ANKRD35: variants seen among roughly 807,000 people sequenced by gnomAD.
ANKRD35 encodes ankyrin repeat domain 35.
In ANKRD35, 102 loss-of-function variants were observed where a neutral mutation model predicts 109.9. That is an observed-to-expected ratio of 0.93 (90% CI 0.79 to 1.09). The LOEUF is 1.09. Among genes scored for constraint, ANKRD35 ranks in the 50% least tolerant of loss-of-function variants. The pLI is 0.00. For missense variants in ANKRD35, 1,240 were observed against 1,230.1 expected, an observed-to-expected ratio of 1.01 and a Z score of -0.12; for synonymous variants, 515 against 512.4, an observed-to-expected ratio of 1.01 and a Z score of -0.07.
At chr1:145,876,273 T>A in intron 6 of ANKRD35, 27 bp from the exon 7 acceptor site, 1 of 1,598,670 alleles carries the variant, frequency 6.3e-7, no homozygotes, top group Non-Finnish European at 8.6e-7. Flanking sequence ...AAGAGGTTCA[T>A]GAGCAGCCAG....
intron 12 of ANKRD35, among the ~76,000 whole-genome samples, 176 bp downstream of exon 12, chr1:145,867,815 T>C (rs1199263186): frequency 2.0e-5 from 3 of 152,150 alleles, no homozygotes; most frequent in African/African-American, 4.8e-5. Flanking sequence ...CCTTCTCACA[T>C]TCATGCACAA....
intron 10 of ANKRD35, among the ~76,000 whole-genome samples, chr1:145,871,521 C>T (rs1553738650): frequency 6.6e-6 from 1 of 152,110 alleles, no homozygotes; most frequent in East Asian, 1.9e-4. Context: ...TTTTGTAGAA[C>T]CCACCCTGAA....
rs781833315 is a variant in ANKRD35 at position 145,868,374 on chromosome 1, C to T, written c.2814G>A (p.Glu938=). 1 of 1,614,216 alleles carries T rather than the reference C, an allele frequency of 6.2e-7. No homozygotes were observed. Among genetic ancestry groups the T allele is most frequent in the Non-Finnish European group, 8.5e-7 (1 of 1,180,032 alleles). The change falls in exon 11 of 14, where the codon GAG becomes GAA. Residue 938 remains glutamate, a synonymous_variant. Coordinates refer to ENST00000355594, the MANE Select transcript of ANKRD35 (RefSeq NM_144698.5). ...TTGCTAGAACCTCTTCTGAAAGCTGCTCCAGCTTCTTCAACAACTCCTTGA... is the reference window on the plus strand; with the variant it reads ...TTGCTAGAACCTCTTCTGAAAGCTGTTCCAGCTTCTTCAACAACTCCTTGA... ...AKIKELLKKL[E]QLSEEVLAIR...
At position 145,872,363 on chromosome 1, in the gene ANKRD35, C is replaced by T. The variant is rs1233697026; in HGVS notation, c.2406G>A (p.Gly802=). ...TCAGCTTTCCGATCTCCTGGCTCTT[C>T]CCGCTCATCGTGGCCTGAACTGCCC... ...ELRAVQATMS[G]KSQEIGKLKQ... Residue 802 remains glycine, a synonymous_variant, in exon 10 of 14, where the codon GGG becomes GGA. Coordinates refer to ENST00000355594, the MANE Select transcript of ANKRD35 (RefSeq NM_144698.5). 6.2e-7 allele frequency: 1 copy of T among 1,612,698 alleles called. No homozygotes were observed. The highest frequency in any genetic ancestry group is 8.5e-7 in the Non-Finnish European group (1 of 1,179,392).
chr1:145,885,556 A>G (rs1654445822), intron 1 of ANKRD35, among the ~76,000 whole-genome samples, 164 bp downstream of exon 1: 1 of 152,142 alleles, frequency 6.6e-6, no homozygotes, highest in Non-Finnish European at 1.5e-5. Flanking sequence ...GCTGCAGGGC[A>G]GGGTCTTGAG....
chr1:145,876,496 TG>T, intron 6 of ANKRD35, 72 bp downstream of exon 6: 1 of 1,568,632 alleles, frequency 6.4e-7, no homozygotes, highest in South Asian at 1.1e-5. Context: ...TCGTGGAAGT[TG>T]GCCAGTCAAG....
chr1:145,885,813 T>C lies in ANKRD35; in HGVS notation c.-55A>G. On this transcript the variant is annotated 5_prime_UTR_variant, in exon 1 of 14. Coordinates refer to ENST00000355594, the MANE Select transcript of ANKRD35 (RefSeq NM_144698.5). ...ACGCGCAGAGAGCCGGGCCACAGGT[T>C]CCCGAACCCACCGGACTTGGCTGCG... is the stretch of plus-strand genomic sequence containing the variant. 7.2e-7 allele frequency: 1 copy of C among 1,389,532 alleles called. No individual in the cohort carries two copies. Among genetic ancestry groups the C allele is most frequent in the African/African-American group, 1.4e-5 (1 of 70,516 alleles). The allele number at this position is 1,389,532 out of a possible 1,614,324, so 86.1% of individuals were successfully genotyped here.
chr1:145,869,116 TA>T (rs1384619117), intron 10 of ANKRD35, among the ~76,000 whole-genome samples: 26 of 149,420 alleles, frequency 1.7e-4, no homozygotes, highest in Non-Finnish European at 3.0e-4. Flanking sequence ...TAAAAAAATT[TA>T]AAAAAAAAAC....
chr1:145,876,198 T>G lies in ANKRD35; in HGVS notation c.502A>C (p.Ile168Leu). 6.2e-7 allele frequency: 1 copy of G among 1,614,110 alleles called. No individual in the cohort carries two copies. The highest frequency in any genetic ancestry group is 2.2e-5 in the East Asian group (1 of 44,882). ...MIASLGGHAAICSQLLQRGAR... is the reference protein window; with the variant it reads ...MIASLGGHAALCSQLLQRGAR... Reference sequence around the variant, plus strand: ...CCTCGCTGCAGCAGCTGTGAGCAGATAGCTGCGTGCCCACCCAGCGATGCG... The same window carrying G: ...CCTCGCTGCAGCAGCTGTGAGCAGAGAGCTGCGTGCCCACCCAGCGATGCG... The change falls in exon 7 of 14, where the codon ATC becomes CTC. Residue 168 changes from isoleucine to leucine, a missense_variant. By Grantham distance (5) the Ile-to-Leu change is conservative (BLOSUM62 2). Coordinates refer to ENST00000355594, the MANE Select transcript of ANKRD35 (RefSeq NM_144698.5).
intron 5 of ANKRD35, 26 bp downstream of exon 5, chr1:145,876,790 T>C: frequency 2.5e-6 from 4 of 1,614,014 alleles, no homozygotes; most frequent in Non-Finnish European, 3.4e-6. Flanking sequence ...TCTGCAGCCC[T>C]GTTCCCATGA....
chr1:145,873,629 C>G lies in ANKRD35; in HGVS notation c.1140G>C (p.Glu380Asp). ...EQGCPKDLLAESTQELKKQQQ... is the reference protein window; with the variant it reads ...EQGCPKDLLADSTQELKKQQQ... Reference sequence around the variant, plus strand: ...GCTGCTTCTTTAGCTCTTGTGTACTCTCAGCCAGCAGGTCCTTAGGACAAC... The same window carrying G: ...GCTGCTTCTTTAGCTCTTGTGTACTGTCAGCCAGCAGGTCCTTAGGACAAC... Residue 380 changes from glutamate (E) to aspartate (D), a missense_variant, in exon 10 of 14, where the codon GAG becomes GAC. Glu to Asp is a conservative substitution (Grantham distance 45). Transcript: ENST00000355594. The G allele has an allele frequency of 6.2e-7, 1 of 1,614,076 alleles. No individual in the cohort carries two copies. Among genetic ancestry groups the G allele is most frequent in the Non-Finnish European group, 8.5e-7 (1 of 1,180,014 alleles).
At chr1:145,869,124 A>G (rs1435775947) in intron 10 of ANKRD35, among the ~76,000 whole-genome samples, 2 of 152,222 alleles carry the variant, frequency 1.3e-5, no homozygotes, top group Admixed American at 1.3e-4. Flanking sequence ...TTTAAAAAAA[A>G]AACAGCTTTT....
chr1:145,871,156 T>TC (rs1653801735), intron 10 of ANKRD35, among the ~76,000 whole-genome samples: 1 of 77,482 alleles, frequency 1.3e-5, no homozygotes, highest in Non-Finnish European at 2.6e-5. Context: ...CTTTTTTCTT[T>TC]TTTTTTTTTT....
rs782046704 is a variant in ANKRD35, at chr1:145,873,872, C to T, written c.897G>A (p.Arg299=). 64 of 1,613,930 alleles carry T rather than the reference C, an allele frequency of 4.0e-5. No homozygotes were observed. Among genetic ancestry groups the T allele is most frequent in the Non-Finnish European group, 5.2e-5 (61 of 1,179,988 alleles). Reference sequence around the variant, plus strand: ...TCCTCCGCTCCTCTTCATACTTCCACCTCCACTCCTCCGAGCACGGGTCTT... The same window carrying T: ...TCCTCCGCTCCTCTTCATACTTCCATCTCCACTCCTCCGAGCACGGGTCTT... ...EDEDPCSEEW[R]WKYEEERRKV... Residue 299 remains arginine (R), a synonymous_variant, in exon 10 of 14, where the codon AGG becomes AGA. Coordinates refer to ENST00000355594, the MANE Select transcript of ANKRD35 (RefSeq NM_144698.5).
intron 1 of ANKRD35, among the ~76,000 whole-genome samples, chr1:145,880,416 C>T (rs1553740909): frequency 6.6e-6 from 1 of 152,160 alleles, no homozygotes; most frequent in African/African-American, 2.4e-5. Flanking sequence ...GCTACATTCT[C>T]GGCTATGTGA....
chr1:145,872,822 G>C lies in ANKRD35; in HGVS notation c.1947C>G (p.Ser649Arg), dbSNP rs1553739113. The change falls in exon 10 of 14, where the codon AGC (serine) becomes AGG (arginine). Residue 649 changes from serine to arginine, a missense_variant. By Grantham distance (110) the Ser-to-Arg change is moderately radical (BLOSUM62 -1). Coordinates refer to ENST00000355594, the MANE Select transcript of ANKRD35 (RefSeq NM_144698.5). ...QRLQRELQSLSQRLQREFVPK... is the reference protein window; with the variant it reads ...QRLQRELQSLRQRLQREFVPK... ...GCACAAACTCCCGCTGCAGCCGCTG[G>C]CTCAGGGACTGTAGCTCCCTCTGCA... is the stretch of plus-strand genomic sequence containing the variant. 1 of 1,614,018 alleles carries C rather than the reference G, an allele frequency of 6.2e-7. No homozygotes were observed. Among genetic ancestry groups the C allele is most frequent in the Non-Finnish European group, 8.5e-7 (1 of 1,179,954 alleles).
At chr1:145,885,310 G>A (rs373198373) in intron 1 of ANKRD35, among the ~76,000 whole-genome samples, 1 of 152,074 alleles carries the variant, frequency 6.6e-6, no homozygotes, top group East Asian at 1.9e-4. Context: ...GAAATATGGG[G>A]CTCTGGGGCA....
At chr1:145,876,034 C>G (rs1348377099) in intron 7 of ANKRD35, 106 bp downstream of exon 7, 1 of 1,009,124 alleles carries the variant, frequency 9.9e-7, no homozygotes, top group African/African-American at 1.6e-5. Context: ...ACCAACCTGA[C>G]TTCTTCCCCA....
At chr1:145,871,153 C>CTTTTTTTTTTTTTTTTTTTTTT (rs59433424) in intron 10 of ANKRD35, among the ~76,000 whole-genome samples, 30 of 78,098 alleles carry the variant, frequency 3.8e-4, no homozygotes, top group Non-Finnish European at 4.9e-4. Flanking sequence ...TTTCTTTTTT[C>CTTTTTTTTTTTTTTTTTTTTTT]TTTTTTTTTT....
Sources: allele counts gnomAD v4.1 joint callset (sites outside exome capture counted in the v4.1 genomes callset), GRCh38; gene constraint gnomAD v4.1.1; transcripts MANE v1.5; gene names NCBI Gene and HGNC (gene_info 2026-07-23, HGNC 2026-07-21).